GYG1: variants seen among roughly 807,000 people sequenced by gnomAD.
GYG1 encodes glycogenin-1.
In GYG1, 44 loss-of-function variants were observed where a neutral mutation model predicts 41.9. That is an observed-to-expected ratio of 1.05 (90% confidence interval 0.83 to 1.35). The LOEUF is 1.35. Ranked by LOEUF, GYG1 falls within the 40% of genes most tolerant of loss-of-function variation. GYG1 has a pLI of 0.00. For missense variants in GYG1, 429 were observed against 418.9 expected, an observed-to-expected ratio of 1.02 and a Z score of -0.21; for synonymous variants, 141 against 158.1, an observed-to-expected ratio of 0.89 and a Z score of 0.81.
chr3:149,030,010 G>A lies in GYG1; in HGVS notation c.*3077G>A, dbSNP rs1714868694. 6.6e-6 allele frequency: 1 copy of A among 152,150 alleles called. No individual in the cohort carries two copies. Among genetic ancestry groups the A allele is most frequent in the Non-Finnish European group, 1.5e-5 (1 of 68,022 alleles). 9.4% of individuals were successfully genotyped at this position (152,150 alleles called of 1,614,324 possible). On this transcript the variant is annotated 3_prime_UTR_variant, in exon 8 of 8. Transcript: ENST00000345003. ...AGTTAGGATATGAGGACATTATTCT[G>A]TTACAGTAATCTTCATGTACTCTCA... is the stretch of plus-strand genomic sequence containing the variant.
At chr3:149,011,159 A>T (rs1310883792) in intron 5 of GYG1, among the ~76,000 whole-genome samples, 1 of 152,192 alleles carries the variant, frequency 6.6e-6, no homozygotes, top group Admixed American at 6.5e-5. Context: ...TAAAGCAGAC[A>T]ACAGGATTCA....
At chr3:149,004,433 C>T (rs1713281378) in intron 4 of GYG1, among the ~76,000 whole-genome samples, 1 of 152,144 alleles carries the variant, frequency 6.6e-6, no homozygotes, top group African/African-American at 2.4e-5. Context: ...TTGAACTGTC[C>T]TATCATTTAA....
chr3:149,018,504 G>C (rs1714190964), intron 5 of GYG1, among the ~76,000 whole-genome samples: 1 of 152,108 alleles, frequency 6.6e-6, no homozygotes, highest in Admixed American at 6.5e-5. Flanking sequence ...TGATATGACT[G>C]CCTTACACAA....
At chr3:149,020,261 T>G (rs1714293571) in intron 5 of GYG1, among the ~76,000 whole-genome samples, 1 of 152,272 alleles carries the variant, frequency 6.6e-6, no homozygotes, top group Admixed American at 6.5e-5. Context: ...TTAACTATAC[T>G]TGGGGGATTG....
At chr3:148,995,692 A>G (rs887413964) in intron 2 of GYG1, among the ~76,000 whole-genome samples, 3 of 152,214 alleles carry the variant, frequency 2.0e-5, no homozygotes, top group Non-Finnish European at 2.9e-5. Context: ...GACAGAATAC[A>G]ATACCAGTTT....
intron 4 of GYG1, among the ~76,000 whole-genome samples, chr3:148,998,269 C>T (rs1321446172): frequency 6.6e-6 from 1 of 152,156 alleles, no homozygotes. Context: ...TTTTATTTCA[C>T]TATTTAGCTT....
At chr3:149,021,158 A>G (rs1714353699) in intron 5 of GYG1, among the ~76,000 whole-genome samples, 1 of 152,214 alleles carries the variant, frequency 6.6e-6, no homozygotes, top group Non-Finnish European at 1.5e-5. Flanking sequence ...TAATGTCAGT[A>G]CTGCCCTGAT....
At chr3:149,015,188 T>C (rs1289326880) in intron 5 of GYG1, among the ~76,000 whole-genome samples, 2 of 152,090 alleles carry the variant, frequency 1.3e-5, no homozygotes, top group Non-Finnish European at 2.9e-5. Context: ...TGGTCAGAAA[T>C]GAACGGAATG....
rs773682836 is a variant in GYG1 at position 148,991,655 on chromosome 3, C to T, written c.7+8C>T. ...CCGGCAGCACCATGACAGGTACCGCCGCGCAGCCCGCCGCCGCCAGCCCCG... is the reference window on the plus strand; with the variant it reads ...CCGGCAGCACCATGACAGGTACCGCTGCGCAGCCCGCCGCCGCCAGCCCCG... On this transcript the variant is annotated splice_region_variant and intron_variant, in intron 1 of 7. Coordinates refer to ENST00000345003, the MANE Select transcript of GYG1 (RefSeq NM_004130.4). 10 of 1,530,978 alleles carry T rather than the reference C, an allele frequency of 6.5e-6. No individual in the cohort carries two copies. The highest frequency in any genetic ancestry group is 1.9e-5 in the Admixed American group (1 of 51,620). The allele number at this position is 1,530,978 out of a possible 1,614,324, so 94.8% of individuals were successfully genotyped here.
In GYG1 at chr3:148,991,629, CCCGG is replaced by C; in HGVS notation, c.-10_-7del. 6.4e-7 allele frequency: 1 copy of C among 1,553,818 alleles called. No homozygotes were observed. Among genetic ancestry groups the C allele is most frequent in the Non-Finnish European group, 8.6e-7 (1 of 1,158,572 alleles). ...TGAGGCTGCCCCGGCCGCCTGCGCA[CCCGG>C]CAGCACCATGACAGGTACCGCCGCG... On this transcript the variant is annotated 5_prime_UTR_variant, in exon 1 of 8. Coordinates refer to ENST00000345003, the MANE Select transcript of GYG1 (RefSeq NM_004130.4).
chr3:149,017,582 G>GTTTTTTTTTTGTTT, intron 5 of GYG1, among the ~76,000 whole-genome samples: 1 of 47,330 alleles, frequency 2.1e-5, no homozygotes, highest in Non-Finnish European at 4.8e-5. Context: ...TTTTATTTAG[G>GTTTTTTTTTTGTTT]TTTTTTTTTT....
chr3:149,017,743 A>G (rs1222628874), intron 5 of GYG1, among the ~76,000 whole-genome samples: 2 of 150,566 alleles, frequency 1.3e-5, no homozygotes, highest in South Asian at 2.1e-4. Flanking sequence ...AGCTGGGACT[A>G]CAGGCACACA....
intron 5 of GYG1, among the ~76,000 whole-genome samples, chr3:149,021,988 C>T (rs898504449): frequency 6.6e-6 from 1 of 152,194 alleles, no homozygotes; most frequent in African/African-American, 2.4e-5. Context: ...CACACAGGTG[C>T]TCACCTGATA....
chr3:149,020,648 G>A (rs958702716), intron 5 of GYG1, among the ~76,000 whole-genome samples: 2 of 152,232 alleles, frequency 1.3e-5, no homozygotes, highest in African/African-American at 4.8e-5. Flanking sequence ...TTAGTAAACT[G>A]TCAAGAGAGC....
chr3:149,020,120 T>C (rs1418820309), intron 5 of GYG1, among the ~76,000 whole-genome samples: 2 of 152,234 alleles, frequency 1.3e-5, no homozygotes, highest in Non-Finnish European at 2.9e-5. Flanking sequence ...TTTCTTGTTG[T>C]TATTCCATTT....
chr3:149,018,769 AAAG>A (rs1489057595), intron 5 of GYG1, among the ~76,000 whole-genome samples: 4 of 152,148 alleles, frequency 2.6e-5, no homozygotes, highest in African/African-American at 9.7e-5. Context: ...CAGTTTGATT[AAAG>A]TAGTGTCAGG....
intron 4 of GYG1, among the ~76,000 whole-genome samples, chr3:149,006,272 G>A (rs545131360): frequency 1.3e-4 from 19 of 151,754 alleles, no homozygotes; most frequent in Non-Finnish European, 2.2e-4. Context: ...TAGTAGAGAC[G>A]GGGTTTCACC....
chr3:148,998,766 T>G (rs1434480616), intron 4 of GYG1, among the ~76,000 whole-genome samples: 1 of 152,144 alleles, frequency 6.6e-6, no homozygotes, highest in African/African-American at 2.4e-5. Flanking sequence ...TTATTTCTAC[T>G]GCTTATACTG....
At chr3:149,017,571 CT>C (rs930280627) in intron 5 of GYG1, among the ~76,000 whole-genome samples, 25 of 44,254 alleles carry the variant, frequency 5.6e-4, no homozygotes, top group African/African-American at 1.6e-3. Context: ...TTATTTATTT[CT>C]TTTATTTAGG....
Sources: gnomAD v4.1 joint callset for allele counts (sites outside exome capture counted in the v4.1 genomes callset) on GRCh38, gnomAD v4.1.1 for gene constraint, MANE v1.5 for transcripts, NCBI Gene and HGNC (gene_info 2026-07-23, HGNC 2026-07-21) for gene names.